RAPSN: variants seen among roughly 807,000 people sequenced by gnomAD.
RAPSN encodes the protein 43 kDa receptor-associated protein of the synapse.
RAPSN carries 33 observed loss-of-function variants against 45.7 expected under a neutral mutation model. The ratio of observed to expected loss-of-function variants is 0.72; its 90% CI spans 0.55 to 0.97. RAPSN has a LOEUF of 0.97. Among genes scored for constraint, RAPSN ranks in the 50% least tolerant of loss-of-function variants. RAPSN has a pLI of 0.00. For synonymous variants in RAPSN, 244 were observed against 233.6 expected, an observed-to-expected ratio of 1.04 and a Z score of -0.40; for missense variants, 519 against 559.4, an observed-to-expected ratio of 0.93 and a Z score of 0.73.
rs1211432610 is a variant in RAPSN, at chr11:47,447,974, G to A, written c.369C>T (p.Gly123=). Reference sequence around the variant, plus strand: ...CATTGCCCATGCTCAGGCTGACCTGGCCTCCGAGCTGGGCACCTGCCCTGG... The same window carrying A: ...CATTGCCCATGCTCAGGCTGACCTGACCTCCGAGCTGGGCACCTGCCCTGG... The part of the protein sequence containing the change: ...PGTRAGAQLG[G]QVSLSMGNAF... The change falls in exon 2 of 8, where the codon GGC becomes GGT. Residue 123 remains glycine, a synonymous_variant. Coordinates refer to ENST00000298854, the MANE Select transcript of RAPSN (RefSeq NM_005055.5). 1.9e-6 allele frequency: 3 copies of A among 1,613,848 alleles called. No homozygotes were observed. The highest frequency in any genetic ancestry group is 3.3e-5 in the Admixed American group (2 of 59,994).
rs142047357 is a variant in RAPSN at position 47,446,154 on chromosome 11, C to G, written c.531+1658G>C. ...TGCGACTCAAGCTGCTCTCAAACTC[C>G]TGGGCTCAAGCAATCCTTCTGCTTG... is the stretch of plus-strand genomic sequence containing the variant. On this transcript the variant is annotated intron_variant, in intron 2 of 7. Coordinates refer to ENST00000298854, the MANE Select transcript of RAPSN (RefSeq NM_005055.5). 6.0e-3 allele frequency among the ~76,000 whole-genome samples: 906 copies of G among 151,794 alleles called. 8 individuals are homozygous for G. The highest frequency in any genetic ancestry group is 0.021 in the African/African-American group (856 of 41,370).
intron 1 of RAPSN, 100 bp downstream of exon 1, chr11:47,448,673 G>C (rs2076429851): frequency 6.8e-7 from 1 of 1,470,548 alleles, no homozygotes; most frequent in African/African-American, 1.4e-5. Context: ...CAGCCTGTGG[G>C]ACACAGGGGA....
chr11:47,447,973 G>A lies in RAPSN; in HGVS notation c.370C>T (p.Gln124Ter), dbSNP rs1479498379. The stretch of plus-strand genomic sequence containing the variant: ...GCATTGCCCATGCTCAGGCTGACCT[G>A]GCCTCCGAGCTGGGCACCTGCCCTG... ...GTRAGAQLGG[Q>*]VSLSMGNAFL... The change falls in exon 2 of 8, where the codon CAG becomes TAG. Residue 124 changes from glutamine (Q) to a stop codon, truncating the protein, a stop_gained. Transcript: ENST00000298854. LOFTEE classifies it high-confidence loss of function. 27 of 1,613,892 alleles carry A rather than the reference G, an allele frequency of 1.7e-5. No individual in the cohort carries two copies. Among genetic ancestry groups the A allele is most frequent in the Non-Finnish European group, 2.3e-5 (27 of 1,180,002 alleles).
chr11:47,444,567 A>C (rs913302834), intron 2 of RAPSN, among the ~76,000 whole-genome samples: 2 of 151,782 alleles, frequency 1.3e-5, no homozygotes, highest in African/African-American at 2.4e-5. Flanking sequence ...AAACAAAAAC[A>C]AAAACCTAAG....
chr11:47,442,948 C>A (rs1026199131), intron 2 of RAPSN, 134 bp from the exon 3 acceptor site: 52 of 1,458,796 alleles, frequency 3.6e-5, no homozygotes, highest in Non-Finnish European at 5.6e-6. Context: ...ATTGTGACAT[C>A]CAGGACAAGA....
chr11:47,447,224 T>C (rs1418164144), intron 2 of RAPSN, among the ~76,000 whole-genome samples: 1 of 152,116 alleles, frequency 6.6e-6, no homozygotes, highest in Non-Finnish European at 1.5e-5. Flanking sequence ...TATTTGAAAT[T>C]ATGACACCCC....
chr11:47,448,016 G>A lies in RAPSN; in HGVS notation c.327C>T (p.Cys109=), dbSNP rs769245608. The change falls in exon 2 of 8, where the codon TGC becomes TGT. Residue 109 remains cysteine, a synonymous_variant. Coordinates refer to ENST00000298854, the MANE Select transcript of RAPSN (RefSeq NM_005055.5). ...CTGCCCTGGTACCAGGCAGCCCAAG[G>A]CAGGTCTTGCAGTAGGAGATGGTCT... ...FHKTISYCKT[C]LGLPGTRAGA... is the part of the protein sequence containing the mutation. 18 of 1,614,056 alleles carry A rather than the reference G, an allele frequency of 1.1e-5. No individual in the cohort carries two copies. The highest frequency in any genetic ancestry group is 1.4e-5 in the Non-Finnish European group (16 of 1,180,010).
chr11:47,441,779 G>GCCCCTGC, intron 4 of RAPSN, 44 bp downstream of exon 4: 24 of 1,584,580 alleles, frequency 1.5e-5, no homozygotes, highest in Non-Finnish European at 1.9e-5. Flanking sequence ...TCAGGCCTGT[G>GCCCCTGC]CCCCTGCCCC....
intron 2 of RAPSN, among the ~76,000 whole-genome samples, chr11:47,444,893 CCTAA>C (rs985745649): frequency 4.3e-4 from 64 of 148,312 alleles, no homozygotes; most frequent in African/African-American, 1.6e-3. Flanking sequence ...AATAAATGTC[CCTAA>C]CTGTGTGTCA....
chr11:47,449,033 C>A lies in RAPSN; in HGVS notation c.-69G>T. The A allele has an allele frequency of 1.3e-6, 2 of 1,579,318 alleles. No homozygotes were observed. The highest frequency in any genetic ancestry group is 1.7e-6 in the Non-Finnish European group (2 of 1,149,190). Reference sequence around the variant, plus strand: ...TCCGTGCCTCTAGGCACTCATGGGGCAGGAATCACAGTGCCAGCTGCCCCC... The same window carrying A: ...TCCGTGCCTCTAGGCACTCATGGGGAAGGAATCACAGTGCCAGCTGCCCCC... On this transcript the variant is annotated 5_prime_UTR_variant, in exon 1 of 8. Transcript: ENST00000298854.
At chr11:47,442,512 A>G in intron 3 of RAPSN, 144 bp downstream of exon 3, 1 of 868,362 alleles carries the variant, frequency 1.2e-6, no homozygotes, top group Non-Finnish European at 1.7e-6. Flanking sequence ...ATGGTGGTGC[A>G]CGCCTTTAGA....
At chr11:47,439,199 C>T (rs1054666044) in intron 6 of RAPSN, among the ~76,000 whole-genome samples, 2 of 152,172 alleles carry the variant, frequency 1.3e-5, no homozygotes, top group African/African-American at 4.8e-5. Context: ...TGCGGCAGGG[C>T]GCCGTGGCTC....
intron 6 of RAPSN, among the ~76,000 whole-genome samples, chr11:47,439,863 C>T (rs1229872714): frequency 6.6e-6 from 1 of 151,934 alleles, no homozygotes; most frequent in Non-Finnish European, 1.5e-5. Flanking sequence ...CAGGCGTGCA[C>T]TACCACACCT....
rs377059228 is a variant in RAPSN, at chr11:47,442,638, C to T, written c.690+18G>A. Reference sequence around the variant, plus strand: ...ACACCACCTCATCCCCGACCTGCCCCCTTCCCCGCTGCCCCACCTCACAAC... The same window carrying T: ...ACACCACCTCATCCCCGACCTGCCCTCTTCCCCGCTGCCCCACCTCACAAC... On this transcript the variant is annotated intron_variant, in intron 3 of 7. Transcript: ENST00000298854. The T allele has an allele frequency of 1.9e-6, 3 of 1,613,350 alleles. No individual in the cohort carries two copies. Among genetic ancestry groups the T allele is most frequent in the Admixed American group, 1.7e-5 (1 of 59,992 alleles).
intron 2 of RAPSN, among the ~76,000 whole-genome samples, chr11:47,443,342 C>T (rs2076380003): frequency 6.6e-6 from 1 of 152,196 alleles, no homozygotes; most frequent in African/African-American, 2.4e-5. Context: ...TTTCCTCAAG[C>T]TTCCAAATGC....
intron 2 of RAPSN, among the ~76,000 whole-genome samples, chr11:47,443,287 C>T (rs1323973324): frequency 6.6e-6 from 1 of 152,210 alleles, no homozygotes; most frequent in Non-Finnish European, 1.5e-5. Context: ...CTCAAAAGAA[C>T]ATCAGACAGA....
chr11:47,441,069 C>T (rs2076358169), intron 6 of RAPSN, 90 bp downstream of exon 6: 17 of 1,523,278 alleles, frequency 1.1e-5, no homozygotes, highest in Middle Eastern at 1.7e-4. Context: ...GGGCTCATGA[C>T]GTGAGTAGGC....
At chr11:47,441,394 C>A in intron 5 of RAPSN, 182 bp from the exon 6 acceptor site, 1 of 1,164,872 alleles carries the variant, frequency 8.6e-7, no homozygotes. Flanking sequence ...GACCTCCTGC[C>A]TCAGTTTACC....
chr11:47,438,476 CCAT>C, intron 7 of RAPSN: 1 of 577,424 alleles, frequency 1.7e-6, no homozygotes, highest in East Asian at 2.8e-5. Flanking sequence ...GCTCCCACCA[CCAT>C]GCCTGGGTAA....
Sources: allele counts gnomAD v4.1 joint callset (sites outside exome capture counted in the v4.1 genomes callset), GRCh38; gene constraint gnomAD v4.1.1; transcripts MANE v1.5; gene names NCBI Gene and HGNC (gene_info 2026-07-23, HGNC 2026-07-21).